FLI1: variants seen among roughly 807,000 people sequenced by gnomAD.
The protein encoded by FLI1 is Friend leukemia integration 1 transcription factor.
FLI1 carries 13 observed loss-of-function variants against 53.1 expected under a neutral mutation model. That is an observed-to-expected ratio of 0.24 (90% CI 0.16 to 0.39). FLI1 has a LOEUF of 0.39. FLI1 is among the 10% of genes least tolerant of loss of function. The pLI is 1.00. For missense variants in FLI1, 424 were observed against 600.5 expected, an observed-to-expected ratio of 0.71 and a Z score of 3.07; for synonymous variants, 244 against 236.7, an observed-to-expected ratio of 1.03 and a Z score of -0.28.
chr11:128,753,372 T>G (rs1184236953), intron 1 of FLI1, among the ~76,000 whole-genome samples: 2 of 152,188 alleles, frequency 1.3e-5, no homozygotes, highest in African/African-American at 4.8e-5. Flanking sequence ...GTCTTTTAAA[T>G]AATAACTAAC....
chr11:128,791,373 A>T (rs1279979378), intron 5 of FLI1, among the ~76,000 whole-genome samples: 3 of 152,022 alleles, frequency 2.0e-5, no homozygotes, highest in African/African-American at 7.3e-5. Context: ...ATTCTAGGAA[A>T]CCACACTCAC....
chr11:128,761,338 C>A (rs1941113026), intron 2 of FLI1, among the ~76,000 whole-genome samples: 1 of 152,218 alleles, frequency 6.6e-6, no homozygotes, highest in Non-Finnish European at 1.5e-5. Flanking sequence ...AAACCAGCGC[C>A]TCCTCACTCT....
At chr11:128,709,287 G>A (rs1290371599) in intron 1 of FLI1, among the ~76,000 whole-genome samples, 2 of 152,180 alleles carry the variant, frequency 1.3e-5, no homozygotes, top group Non-Finnish European at 2.9e-5. Context: ...GCAACTGCTA[G>A]TTGTTATTAT....
chr11:128,778,385 C>G (rs959475496), intron 4 of FLI1, among the ~76,000 whole-genome samples: 4 of 152,220 alleles, frequency 2.6e-5, no homozygotes, highest in Admixed American at 2.6e-4. Flanking sequence ...CTCCACAAAA[C>G]TAACCACCAC....
intron 1 of FLI1, among the ~76,000 whole-genome samples, chr11:128,711,415 T>C (rs1378463327): frequency 6.6e-6 from 1 of 152,252 alleles, no homozygotes; most frequent in African/African-American, 2.4e-5. Flanking sequence ...AGCATTATCA[T>C]GTTGGCCTGG....
At chr11:128,744,603 C>T (rs139446216) in intron 1 of FLI1, among the ~76,000 whole-genome samples, 11 of 152,268 alleles carry the variant, frequency 7.2e-5, no homozygotes, top group South Asian at 2.1e-4. Flanking sequence ...TCTGGCTCTG[C>T]GGGTAACATG....
chr11:128,795,872 T>C (rs115083963), intron 5 of FLI1, among the ~76,000 whole-genome samples: 1,979 of 152,314 alleles, frequency 0.013, 39 homozygotes, highest in African/African-American at 0.045. Flanking sequence ...TTCATATGCA[T>C]GGTGTCATTT....
chr11:128,805,344 C>T, intron 5 of FLI1, 22 bp from the exon 6 acceptor site: 1 of 1,473,488 alleles, frequency 6.8e-7, no homozygotes, highest in African/African-American at 1.4e-5. Context: ...CTAATGTACC[C>T]CTATTTGTTA....
At chr11:128,733,115 C>G (rs1312819852) in intron 1 of FLI1, among the ~76,000 whole-genome samples, 1 of 152,104 alleles carries the variant, frequency 6.6e-6, no homozygotes, top group African/African-American at 2.4e-5. Context: ...CCTGAAGCTC[C>G]AAGGGAAAGG....
chr11:128,734,722 T>C (rs767000614), intron 1 of FLI1, among the ~76,000 whole-genome samples: 1 of 152,136 alleles, frequency 6.6e-6, no homozygotes, highest in African/African-American at 2.4e-5. Context: ...AGTTTTAAAA[T>C]GTCAAAGCCA....
At chr11:128,715,362 G>A (rs1938964321) in intron 1 of FLI1, among the ~76,000 whole-genome samples, 1 of 152,146 alleles carries the variant, frequency 6.6e-6, no homozygotes, top group Non-Finnish European at 1.5e-5. Context: ...TTGCTTGCCT[G>A]TTGTTTAAAG....
intron 1 of FLI1, among the ~76,000 whole-genome samples, chr11:128,753,370 A>G (rs1011635963): frequency 1.3e-5 from 2 of 152,236 alleles, no homozygotes. Context: ...AAGTCTTTTA[A>G]ATAATAACTA....
chr11:128,740,559 A>G (rs1309623290), intron 1 of FLI1, among the ~76,000 whole-genome samples: 2 of 152,198 alleles, frequency 1.3e-5, no homozygotes, highest in Non-Finnish European at 2.9e-5. Context: ...CTGCATGCTC[A>G]GAGAATGCAA....
Position 128,704,456 on chromosome 11 carries a change from C to T in FLI1, c.18+10180C>T, listed in dbSNP as rs569423033. Among the ~76,000 whole-genome samples the T allele has an allele frequency of 9.9e-5, 15 of 152,216 alleles. No individual in the cohort carries two copies. In the South Asian group the frequency reaches 2.7e-3, roughly 27 times the overall value. ...CACTCTGGGGTCTTAGATTCTTTTCCGAAATTTGGTCTCATTTAAAACCCA... is the reference window on the plus strand; with the variant it reads ...CACTCTGGGGTCTTAGATTCTTTTCTGAAATTTGGTCTCATTTAAAACCCA... On this transcript the variant is annotated intron_variant, in intron 1 of 8. Coordinates refer to ENST00000527786, the MANE Select transcript of FLI1 (RefSeq NM_002017.5).
chr11:128,759,990 AT>A (rs1275492463), intron 2 of FLI1, among the ~76,000 whole-genome samples: 1 of 152,076 alleles, frequency 6.6e-6, no homozygotes, highest in Non-Finnish European at 1.5e-5. Flanking sequence ...GGCCTACCAC[AT>A]TTCAACCCTA....
At chr11:128,800,647 T>G (rs1942608524) in intron 5 of FLI1, among the ~76,000 whole-genome samples, 1 of 152,188 alleles carries the variant, frequency 6.6e-6, no homozygotes, top group African/African-American at 2.4e-5. Context: ...ATCTCCATGC[T>G]CATATTTCTC....
chr11:128,744,579 T>C lies in FLI1; in HGVS notation c.19-13536T>C, dbSNP rs563938898. Among the ~76,000 whole-genome samples the C allele has an allele frequency of 5.3e-5, 8 of 152,284 alleles. No individual in the cohort carries two copies. The South Asian group carries it at 1.7e-3, about 32-fold the overall frequency. On this transcript the variant is annotated intron_variant, in intron 1 of 8. Coordinates refer to ENST00000527786, the MANE Select transcript of FLI1 (RefSeq NM_002017.5). ...GACTGGCAAGTGGTAGATGTAGAATTCAGATCCTGACAGTCTGGCTCTGCG... is the reference window on the plus strand; with the variant it reads ...GACTGGCAAGTGGTAGATGTAGAATCCAGATCCTGACAGTCTGGCTCTGCG...
intron 5 of FLI1, among the ~76,000 whole-genome samples, chr11:128,790,599 C>G (rs898779381): frequency 3.9e-5 from 6 of 152,194 alleles, no homozygotes; most frequent in African/African-American, 1.4e-4. Flanking sequence ...ACACGTGTGG[C>G]TCACACAGTG....
chr11:128,769,055 T>C (rs533948805), intron 3 of FLI1, among the ~76,000 whole-genome samples: 1 of 152,356 alleles, frequency 6.6e-6, no homozygotes, highest in Admixed American at 6.5e-5. Flanking sequence ...GAACTATATT[T>C]AACTAATGGA....
Sources: allele counts gnomAD v4.1 joint callset (sites outside exome capture counted in the v4.1 genomes callset), GRCh38; gene constraint gnomAD v4.1.1; transcripts MANE v1.5; gene names NCBI Gene and HGNC (gene_info 2026-07-23, HGNC 2026-07-21).